Variants in TANC2 observed in about 807,000 individuals in gnomAD.
The protein encoded by TANC2 is tetratricopeptide repeat, ankyrin repeat and coiled-coil containing 2.
In TANC2, 26 loss-of-function variants were observed where a neutral mutation model predicts 210.5. The ratio of observed to expected loss-of-function variants is 0.12; its 90% confidence interval spans 0.09 to 0.17. The LOEUF is 0.17. TANC2 is among the 10% of genes least tolerant of loss of function. TANC2 has a pLI of 1.00. For missense variants in TANC2, 2,129 were observed against 2,608.9 expected (o/e 0.82, Z 4.01); for synonymous variants, 931 against 967.1 (o/e 0.96, Z 0.69).
At chr17:63,161,122 C>G (rs1455752404) in intron 5 of TANC2, among the ~76,000 whole-genome samples, 1 of 152,068 alleles carries the variant, frequency 6.6e-6, no homozygotes, top group Non-Finnish European at 1.5e-5. Flanking sequence ...TTCTCAAAAC[C>G]CAAAAGTTTT....
chr17:63,039,248 A>G (rs1414768088), intron 2 of TANC2, among the ~76,000 whole-genome samples: 1 of 152,202 alleles, frequency 6.6e-6, no homozygotes, highest in Non-Finnish European at 1.5e-5. Flanking sequence ...TGTTAGAAAT[A>G]CATTTCTCTT....
chr17:63,217,355 G>A (rs983131574), intron 7 of TANC2, among the ~76,000 whole-genome samples: 9 of 152,178 alleles, frequency 5.9e-5, no homozygotes, highest in African/African-American at 2.2e-4. Flanking sequence ...TAAGGGTGAG[G>A]TAGGGACATT....
intron 2 of TANC2, among the ~76,000 whole-genome samples, chr17:63,037,310 T>C: frequency 6.6e-6 from 1 of 152,052 alleles, no homozygotes; most frequent in East Asian, 1.9e-4. Flanking sequence ...CTGAGCAGGA[T>C]GGCTTGAGAT....
At chr17:63,419,414 T>C (rs1033183158) in intron 27 of TANC2, among the ~76,000 whole-genome samples, 1 of 152,160 alleles carries the variant, frequency 6.6e-6, no homozygotes, top group African/African-American at 2.4e-5. Context: ...TCAGCTCAGC[T>C]CCAGCCCCGA....
chr17:62,984,356 T>G, intron 1 of TANC2, among the ~76,000 whole-genome samples: 1 of 152,076 alleles, frequency 6.6e-6, no homozygotes, highest in East Asian at 1.9e-4. Context: ...AGTCTTCTCT[T>G]TTTTTGTTAG....
chr17:63,401,565 G>T (rs2147254697), intron 19 of TANC2, among the ~76,000 whole-genome samples: 1 of 152,326 alleles, frequency 6.6e-6, no homozygotes, highest in African/African-American at 2.4e-5. Flanking sequence ...TCTGAAGGCA[G>T]ATCACTAGAG....
intron 1 of TANC2, among the ~76,000 whole-genome samples, chr17:62,980,398 A>G (rs2143408267): frequency 6.6e-6 from 1 of 152,310 alleles, no homozygotes; most frequent in Non-Finnish European, 1.5e-5. Context: ...AAAATTAGAA[A>G]CTTTTTGAGT....
chr17:62,988,151 A>G (rs1035373552), intron 1 of TANC2, among the ~76,000 whole-genome samples: 7 of 152,034 alleles, frequency 4.6e-5, no homozygotes, highest in African/African-American at 1.7e-4. Context: ...ATTTTGAGAC[A>G]TAGTCTTGCT....
chr17:63,158,263 C>G (rs1453125182), intron 5 of TANC2, among the ~76,000 whole-genome samples: 1 of 152,200 alleles, frequency 6.6e-6, no homozygotes, highest in African/African-American at 2.4e-5. Context: ...ATATCACTCA[C>G]TCCATAAGGT....
chr17:63,299,913 A>G (rs115417431), intron 9 of TANC2, among the ~76,000 whole-genome samples: 23,162 of 151,934 alleles, frequency 0.15, 2,096 homozygotes, highest in Middle Eastern at 0.21. Flanking sequence ...TTTATGGTTT[A>G]GGGTTTTACA....
At chr17:63,318,037 C>G (rs1362980052) in intron 10 of TANC2, among the ~76,000 whole-genome samples, 1 of 152,172 alleles carries the variant, frequency 6.6e-6, no homozygotes, top group African/African-American at 2.4e-5. Context: ...TGCCCACCCC[C>G]CTGCAGTTAT....
chr17:63,177,173 G>C (rs2040613370), intron 5 of TANC2, among the ~76,000 whole-genome samples: 1 of 149,120 alleles, frequency 6.7e-6, no homozygotes, highest in Non-Finnish European at 1.5e-5. Context: ...TCTGAGGTGG[G>C]AGAATCGCTA....
intron 2 of TANC2, among the ~76,000 whole-genome samples, chr17:63,070,883 A>G (rs1167059292): frequency 2.0e-5 from 3 of 152,136 alleles, no homozygotes; most frequent in South Asian, 2.1e-4. Flanking sequence ...ATTTTTTTAA[A>G]AAACATTAAG....
In TANC2 at chr17:63,372,893, C is replaced by CTTTTT. The variant is rs753800050; in HGVS notation, c.2583-6809_2583-6805dup. Among the ~76,000 whole-genome samples the CTTTTT allele has an allele frequency of 3.0e-3, 347 of 115,906 alleles. 13 individuals carry two copies. The highest frequency in any genetic ancestry group is 9.9e-3 in the African/African-American group (293 of 29,656). The allele number at this position is 115,906 out of a possible 152,430, so 76.0% of individuals were successfully genotyped here. Reference sequence around the variant, plus strand: ...TGTTAAAGTTGATTATGATTACCATCTTTTTTTTTTTTTTTTTTTTGAGAT... The same window carrying CTTTTT: ...TGTTAAAGTTGATTATGATTACCATCTTTTTTTTTTTTTTTTTTTTTTTTTGAGAT... On this transcript the variant is annotated intron_variant, in intron 14 of 27. Coordinates refer to ENST00000689528, the Ensembl canonical transcript of TANC2.
intron 9 of TANC2, among the ~76,000 whole-genome samples, chr17:63,275,437 A>G (rs1461042751): frequency 6.6e-6 from 1 of 152,182 alleles, no homozygotes; most frequent in Non-Finnish European, 1.5e-5. Flanking sequence ...TTTAATTTTT[A>G]TCAAATCTGT....
chr17:63,180,587 C>T (rs957464436), intron 5 of TANC2, among the ~76,000 whole-genome samples: 3 of 152,142 alleles, frequency 2.0e-5, no homozygotes, highest in Non-Finnish European at 4.4e-5. Context: ...TCCTCCAATC[C>T]ATTACCCTCA....
chr17:63,312,691 A>G (rs187284636), intron 9 of TANC2, among the ~76,000 whole-genome samples: 373 of 152,294 alleles, frequency 2.4e-3, no homozygotes, highest in Non-Finnish European at 3.8e-3. Flanking sequence ...CCAGATAACA[A>G]ATCTGTACGT....
chr17:63,107,821 A>G (rs143931182), intron 4 of TANC2, among the ~76,000 whole-genome samples: 1 of 151,832 alleles, frequency 6.6e-6, no homozygotes, highest in East Asian at 1.9e-4. Flanking sequence ...GGGGTCACCA[A>G]CGATGGTATA....
chr17:63,159,658 C>T (rs1392757854), intron 5 of TANC2, among the ~76,000 whole-genome samples: 4 of 149,680 alleles, frequency 2.7e-5, no homozygotes, highest in Non-Finnish European at 4.4e-5. Flanking sequence ...ATAGCATTTA[C>T]ATTGCATATG....
Sources: gnomAD v4.1 joint callset for allele counts (sites outside exome capture counted in the v4.1 genomes callset) on GRCh38, gnomAD v4.1.1 for gene constraint, MANE v1.5 for transcripts, NCBI Gene and HGNC (gene_info 2026-07-23, HGNC 2026-07-21) for gene names.